Variants in TWSG1 observed in about 807,000 individuals in gnomAD.
TWSG1 encodes the protein twisted gastrulation protein homolog 1.
A neutral mutation model predicts 23.0 loss-of-function variants in TWSG1; 15 were observed. The ratio of observed to expected loss-of-function variants is 0.65; its 90% CI spans 0.44 to 1.00. The LOEUF is 1.00. Ranked by LOEUF, TWSG1 falls within the 50% of genes least tolerant of loss-of-function variation. TWSG1 has a pLI of 0.00. For synonymous variants in TWSG1, 86 were observed against 92.8 expected (o/e 0.93, Z 0.42); for missense variants, 242 against 278.7 (o/e 0.87, Z 0.94).
chr18:9,390,288 A>G (rs992239312), intron 3 of TWSG1, among the ~76,000 whole-genome samples: 1 of 151,972 alleles, frequency 6.6e-6, no homozygotes, highest in African/African-American at 2.4e-5. Flanking sequence ...CAGCCTCCCG[A>G]GTAGCTGGGA....
chr18:9,378,482 C>T (rs1017511666), intron 3 of TWSG1, among the ~76,000 whole-genome samples: 4 of 152,140 alleles, frequency 2.6e-5, no homozygotes, highest in African/African-American at 9.7e-5. Flanking sequence ...AGCACCCATG[C>T]TGAGAGCCAA....
intron 1 of TWSG1, among the ~76,000 whole-genome samples, chr18:9,335,495 G>T (rs974356661): frequency 6.6e-6 from 1 of 152,226 alleles, no homozygotes; most frequent in Non-Finnish European, 1.5e-5. Flanking sequence ...AGATGAATTT[G>T]TGGAACATTT....
At chr18:9,396,156 A>T in intron 3 of TWSG1, 124 bp from the exon 4 acceptor site, 1 of 827,522 alleles carries the variant, frequency 1.2e-6, no homozygotes, top group South Asian at 2.0e-5. Context: ...GCAAAAAAAA[A>T]AAAAAAAAAA....
chr18:9,352,181 A>G (rs1568032449), intron 2 of TWSG1, among the ~76,000 whole-genome samples: 1 of 152,182 alleles, frequency 6.6e-6, no homozygotes, highest in Non-Finnish European at 1.5e-5. Flanking sequence ...ATCATACAGT[A>G]TATAGCCTTT....
chr18:9,396,628 T>C (rs2040737963), intron 4 of TWSG1, 82 bp downstream of exon 4: 1 of 1,496,348 alleles, frequency 6.7e-7, no homozygotes, highest in Non-Finnish European at 8.9e-7. Context: ...TATAAGACCA[T>C]CTTTTGGAGC....
At chr18:9,352,810 A>C (rs531787462) in intron 2 of TWSG1, among the ~76,000 whole-genome samples, 2 of 152,320 alleles carry the variant, frequency 1.3e-5, no homozygotes, top group East Asian at 3.9e-4. Flanking sequence ...TTGGGAGTTC[A>C]TACAATAAAT....
chr18:9,377,042 G>A (rs992325082), intron 3 of TWSG1, among the ~76,000 whole-genome samples: 3 of 151,958 alleles, frequency 2.0e-5, no homozygotes, highest in Non-Finnish European at 2.9e-5. Flanking sequence ...TAGGTTATAC[G>A]CAAAAACTAT....
chr18:9,389,030 G>A (rs1285092192), intron 3 of TWSG1, among the ~76,000 whole-genome samples: 4 of 152,066 alleles, frequency 2.6e-5, no homozygotes, highest in Non-Finnish European at 5.9e-5. Context: ...AGGCTGGAGT[G>A]CAGTGGTGCA....
At chr18:9,375,744 A>AC (rs1012534298) in intron 3 of TWSG1, among the ~76,000 whole-genome samples, 9 of 152,172 alleles carry the variant, frequency 5.9e-5, no homozygotes, top group African/African-American at 2.2e-4. Flanking sequence ...TTATATTAGC[A>AC]CCCCCAAATA....
At chr18:9,344,604 C>T (rs2040467531) in intron 2 of TWSG1, among the ~76,000 whole-genome samples, 1 of 149,660 alleles carries the variant, frequency 6.7e-6, no homozygotes, top group South Asian at 2.1e-4. Context: ...TCACGGCTAA[C>T]AGCAACCTCA....
At chr18:9,335,010 G>A (rs988470692) in intron 1 of TWSG1, 90 bp downstream of exon 1, 5 of 152,414 alleles carry the variant, frequency 3.3e-5, no homozygotes, top group African/African-American at 9.6e-5. Flanking sequence ...TAGAGGCCCG[G>A]GGCCGCGGCG....
At chr18:9,366,212 G>A (rs1179557332) in intron 3 of TWSG1, among the ~76,000 whole-genome samples, 2 of 152,186 alleles carry the variant, frequency 1.3e-5, no homozygotes, top group African/African-American at 4.8e-5. Context: ...AGCATCATAA[G>A]CTCCAAGACC....
In TWSG1 at chr18:9,360,091, G is replaced by T. The variant is rs372292711; in HGVS notation, c.223+20G>T. The T allele has an allele frequency of 2.6e-5, 42 of 1,586,882 alleles. No homozygotes were observed. In the African/African-American group the frequency reaches 5.4e-4, roughly 20 times the overall value. On this transcript the variant is annotated intron_variant, in intron 3 of 4. Coordinates refer to ENST00000262120, the MANE Select transcript of TWSG1 (RefSeq NM_020648.6). Reference sequence around the variant, plus strand: ...GTGTTGGTAAGTTGATACCAAGGGAGACTTCTTAATATTTCTTATCACAGA... The same window carrying T: ...GTGTTGGTAAGTTGATACCAAGGGATACTTCTTAATATTTCTTATCACAGA...
chr18:9,343,729 C>T (rs1272937522), intron 2 of TWSG1, among the ~76,000 whole-genome samples: 1 of 152,168 alleles, frequency 6.6e-6, no homozygotes, highest in African/African-American at 2.4e-5. Flanking sequence ...TGTGTTGTAA[C>T]ATATTCAGTA....
At chr18:9,335,075 G>C (rs4797363) in intron 1 of TWSG1, among the ~76,000 whole-genome samples, 155 bp downstream of exon 1, 81,392 of 151,946 alleles carry the variant, frequency 0.54, 23,017 homozygotes, top group East Asian at 0.72. Context: ...GACAAAGTGG[G>C]GGTGCTGGGC....
At chr18:9,352,365 GTAAT>G (rs1176323277) in intron 2 of TWSG1, among the ~76,000 whole-genome samples, 1 of 152,136 alleles carries the variant, frequency 6.6e-6, no homozygotes, top group Non-Finnish European at 1.5e-5. Flanking sequence ...CCAGTTTTCA[GTAAT>G]TATGAATGAT....
At chr18:9,387,123 A>G (rs1393791624) in intron 3 of TWSG1, among the ~76,000 whole-genome samples, 6 of 152,230 alleles carry the variant, frequency 3.9e-5, no homozygotes, top group Admixed American at 3.9e-4. Flanking sequence ...GAGGCATGGG[A>G]TGAAGCATTC....
intron 2 of TWSG1, among the ~76,000 whole-genome samples, chr18:9,340,114 A>G (rs1023707605): frequency 6.6e-6 from 1 of 152,078 alleles, no homozygotes; most frequent in African/African-American, 2.4e-5. Flanking sequence ...CAAGCCTGTA[A>G]TCCCAGCACT....
chr18:9,379,181 C>T (rs555987039), intron 3 of TWSG1, among the ~76,000 whole-genome samples: 8 of 152,206 alleles, frequency 5.3e-5, no homozygotes, highest in African/African-American at 1.9e-4. Flanking sequence ...AGTATATACC[C>T]AAAGGAATAT....
Sources: gnomAD v4.1 joint callset for allele counts (sites outside exome capture counted in the v4.1 genomes callset) on GRCh38, gnomAD v4.1.1 for gene constraint, MANE v1.5 for transcripts, NCBI Gene and HGNC (gene_info 2026-07-23, HGNC 2026-07-21) for gene names.